OVCH1: variants seen among roughly 807,000 people sequenced by gnomAD.
OVCH1 encodes ovochymase 1.
Under a neutral mutation model 138.4 loss-of-function variants are expected in OVCH1, and 139 were observed. That is an observed-to-expected ratio of 1.00 (90% CI 0.87 to 1.16). The LOEUF (loss-of-function observed/expected upper bound fraction) is 1.16. Among genes scored for constraint, OVCH1 ranks in the 50% most tolerant of loss-of-function variants. The pLI, the probability that OVCH1 is intolerant of heterozygous loss-of-function variation, is 0.00. For synonymous variants in OVCH1, 453 were observed against 467.8 expected, an observed-to-expected ratio of 0.97 and a Z score of 0.41; for missense variants, 1,367 against 1,357.9, an observed-to-expected ratio of 1.01 and a Z score of -0.11.
chr12:29,404,357 T>A, the OVCH1 span, among the ~76,000 whole-genome samples: 1 of 152,164 alleles, frequency 6.6e-6, no homozygotes, highest in Non-Finnish European at 1.5e-5. Context: ...AAAAGAGAAG[T>A]TCTCCCAAAT....
rs1941054654 is a variant in OVCH1, at chr12:29,417,947, A to G, written c.*71+5180T>C. Among the ~76,000 whole-genome samples the G allele has an allele frequency of 2.0e-5, 3 of 152,204 alleles. No individual in the cohort carries two copies. The South Asian group carries it at 6.2e-4, about 32-fold the overall frequency. ...ATGGTTTGCAGGATGGAAGCATTGA[A>G]AAGACAGCAAAAGGGAGGTGAAGCT... On this transcript the variant is annotated intron_variant and NMD_transcript_variant, in intron 3 of 4. Transcript: ENST00000539117.
chr12:29,465,270 G>C, intron 16 of OVCH1, 51 bp from the exon 17 acceptor site: 1 of 1,469,574 alleles, frequency 6.8e-7, no homozygotes. Flanking sequence ...ATTTGTATTA[G>C]TTTGTTCTCA....
intron 3 of OVCH1, among the ~76,000 whole-genome samples, chr12:29,416,754 C>G (rs1037498753): frequency 6.6e-6 from 1 of 152,112 alleles, no homozygotes; most frequent in African/African-American, 2.4e-5. Context: ...TAGTTTATTA[C>G]AAAACTAAAC....
Position 29,462,012 on chromosome 12 carries a change from A to G in OVCH1, c.2126-4T>C. 6.2e-7 allele frequency: 1 copy of G among 1,610,642 alleles called. No individual in the cohort carries two copies. Among genetic ancestry groups the G allele is most frequent in the Non-Finnish European group, 8.5e-7 (1 of 1,177,236 alleles). On this transcript the variant is annotated splice_region_variant and splice_polypyrimidine_tract_variant and intron_variant, in intron 18 of 27. Transcript: ENST00000318184. ...AGGCGACTTGCTAGGCCACCATCTA[A>G]TGAAGAAACATTCAGAGAGAGCTCG...
chr12:29,417,223 C>T lies in OVCH1; in HGVS notation c.*72-4498G>A, dbSNP rs562792905. Among the ~76,000 whole-genome samples the T allele has an allele frequency of 1.7e-4, 26 of 152,092 alleles. 1 individual carries two copies. The East Asian group carries it at 1.7e-3, about 10-fold the overall frequency. Reference sequence around the variant, plus strand: ...AGAGCAACACTTTGAGAGGCCAAGGCGGGTGGATCACCTGAGGTCAGGAGT... The same window carrying T: ...AGAGCAACACTTTGAGAGGCCAAGGTGGGTGGATCACCTGAGGTCAGGAGT... On this transcript the variant is annotated intron_variant and NMD_transcript_variant, in intron 3 of 4. Transcript: ENST00000539117.
At chr12:29,402,513 AGGTT>A in the OVCH1 span, among the ~76,000 whole-genome samples, 3 of 152,014 alleles carry the variant, frequency 2.0e-5, no homozygotes, top group East Asian at 3.9e-4. Flanking sequence ...AAGACAGAAA[AGGTT>A]GGTAAGAAAA....
At chr12:29,489,078 T>A (rs1207118141) in intron 6 of OVCH1, among the ~76,000 whole-genome samples, 1 of 152,192 alleles carries the variant, frequency 6.6e-6, no homozygotes, top group African/African-American at 2.4e-5. Flanking sequence ...TATCTAAAAC[T>A]TAAAACTCAT....
At chr12:29,411,861 G>A (rs1433068430), downstream of OVCH1, among the ~76,000 whole-genome samples, 2 of 84,248 alleles carry the variant, frequency 2.4e-5, no homozygotes, top group African/African-American at 6.4e-5. Context: ...ATTTCAGTCT[G>A]CAGAGGTTAC....
chr12:29,402,292 C>T, the OVCH1 span, among the ~76,000 whole-genome samples: 1 of 152,158 alleles, frequency 6.6e-6, no homozygotes, highest in Non-Finnish European at 1.5e-5. Context: ...ATCCCTATTG[C>T]AAATCTCATC....
intron 14 of OVCH1, among the ~76,000 whole-genome samples, chr12:29,474,074 TACACACAC>T (rs146655743): frequency 0.038 from 5,568 of 145,258 alleles, 316 homozygotes; most frequent in African/African-American, 0.13. Context: ...CACACACACA[TACACACAC>T]ACACACACAC....
chr12:29,482,756 CCTT>C (rs1220236898), intron 8 of OVCH1, among the ~76,000 whole-genome samples: 1 of 152,080 alleles, frequency 6.6e-6, no homozygotes, highest in Admixed American at 6.5e-5. Context: ...CTAAAATAAC[CCTT>C]CTTCTCTTGA....
intron 25 of OVCH1, among the ~76,000 whole-genome samples, chr12:29,441,790 C>T (rs1372490011): frequency 4.6e-5 from 7 of 152,108 alleles, no homozygotes; most frequent in Admixed American, 4.6e-4. Flanking sequence ...AAACAAAGAA[C>T]CCCATCAAAA....
chr12:29,439,285 G>T, intron 26 of OVCH1: 1 of 1,387,044 alleles, frequency 7.2e-7, no homozygotes. Flanking sequence ...TTGTTAAGAT[G>T]TTATATAAGC....
intron 1 of OVCH1, 44 bp downstream of exon 1, chr12:29,497,579 C>A: frequency 6.2e-7 from 1 of 1,609,278 alleles, no homozygotes; most frequent in Non-Finnish European, 8.5e-7. Context: ...CTCCAGCACG[C>A]TCAGCCTCCT....
rs1011518705 is a variant in OVCH1, at chr12:29,487,888, A to G, written c.703-6T>C. On this transcript the variant is annotated splice_polypyrimidine_tract_variant and splice_region_variant and intron_variant, in intron 6 of 27. Coordinates refer to ENST00000318184, the Ensembl canonical transcript of OVCH1. ...AGTGGTCCTCCAGAGTCCCCCTTTC[A>G]TGGTACAAAAAAAGAGAAAATTTGA... 3 of 1,601,390 alleles carry G rather than the reference A, an allele frequency of 1.9e-6. No individual in the cohort carries two copies. Among genetic ancestry groups the G allele is most frequent in the African/African-American group, 1.4e-5 (1 of 74,068 alleles).
chr12:29,467,164 G>A (rs1224081022), intron 16 of OVCH1, among the ~76,000 whole-genome samples: 1 of 152,078 alleles, frequency 6.6e-6, no homozygotes, highest in African/African-American at 2.4e-5. Flanking sequence ...CTACTGGAAG[G>A]ATTAAACTTT....
the OVCH1 span, among the ~76,000 whole-genome samples, chr12:29,402,823 AAG>A: frequency 7.2e-5 from 11 of 152,082 alleles, no homozygotes; most frequent in African/African-American, 2.7e-4. Context: ...GGAGGTGGGG[AAG>A]AGAGAGAAAA....
rs112196471 is a variant in OVCH1 at position 29,421,977 on chromosome 12, A to G, written c.*71+1150T>C. ...CTTTTCAGATATGTATAAAACATCA[A>G]TTCTCTTCTCCTTTTAAATATATAT... On this transcript the variant is annotated intron_variant and NMD_transcript_variant, in intron 3 of 4. Coordinates refer to the OVCH1 transcript ENST00000539117. 1.9e-3 allele frequency among the ~76,000 whole-genome samples: 284 copies of G among 152,238 alleles called. 2 individuals carry two copies. The highest frequency in any genetic ancestry group is 6.3e-3 in the African/African-American group (262 of 41,556).
At chr12:29,492,757 G>A (rs1943305661) in intron 4 of OVCH1, among the ~76,000 whole-genome samples, 2 of 152,088 alleles carry the variant, frequency 1.3e-5, no homozygotes, top group Admixed American at 1.3e-4. Flanking sequence ...CAAAGAGAAT[G>A]AGCACAACTA....
Sources: gnomAD v4.1 joint callset for allele counts (sites outside exome capture counted in the v4.1 genomes callset) on GRCh38, gnomAD v4.1.1 for gene constraint, MANE v1.5 for transcripts, NCBI Gene and HGNC (gene_info 2026-07-23, HGNC 2026-07-21) for gene names.